The following STK39 variants were observed in gnomAD, a reference collection of about 807,000 sequenced individuals.
STK39 encodes the protein serine/threonine kinase 39.
In STK39, 20 loss-of-function variants were observed where a neutral mutation model predicts 77.8. The observed-to-expected ratio is 0.26, with a 90% CI of 0.18 to 0.37. The LOEUF is 0.37. Among genes scored for constraint, STK39 ranks in the 10% least tolerant of loss-of-function variants. STK39 has a pLI of 1.00. For missense variants in STK39, 479 were observed against 656.5 expected (o/e 0.73, Z 2.95); for synonymous variants, 246 against 234.1 (o/e 1.05, Z -0.47).
chr2:167,976,871 A>T (rs539192145), intron 16 of STK39, among the ~76,000 whole-genome samples: 26 of 152,246 alleles, frequency 1.7e-4, no homozygotes, highest in African/African-American at 5.5e-4. Context: ...CATGTCAATC[A>T]AACTATTTTT....
intron 12 of STK39, among the ~76,000 whole-genome samples, chr2:168,069,236 G>C (rs1209049661): frequency 6.6e-6 from 1 of 152,150 alleles, no homozygotes; most frequent in East Asian, 1.9e-4. Context: ...ATTTTTAAAA[G>C]CTAACAGCAG....
At chr2:168,056,662 C>T (rs185044558) in intron 14 of STK39, among the ~76,000 whole-genome samples, 6 of 152,172 alleles carry the variant, frequency 3.9e-5, no homozygotes, top group Non-Finnish European at 7.4e-5. Flanking sequence ...TACAAATATA[C>T]GTGTATGTGT....
In STK39 at chr2:168,203,003, A is replaced by G. The variant is rs556695268; in HGVS notation, c.209-20913T>C. On this transcript the variant is annotated intron_variant, in intron 1 of 17. Transcript: ENST00000355999. ...TCAACAGAGCACCTCTATCAGTAGA[A>G]CAGCGTTTCTCCACCTTGGCAATAC... Among the ~76,000 whole-genome samples, 67 of 152,326 alleles carry G rather than the reference A, an allele frequency of 4.4e-4. 1 individual carries two copies. The highest frequency in any genetic ancestry group is 8.8e-4 in the Non-Finnish European group (60 of 68,026).
chr2:168,217,362 G>A (rs969463606), intron 1 of STK39, among the ~76,000 whole-genome samples: 12 of 152,266 alleles, frequency 7.9e-5, no homozygotes, highest in Middle Eastern at 3.4e-3. Context: ...GCCAGTATCC[G>A]GATGCAGGAC....
At chr2:168,096,795 G>A (rs535076327) in intron 10 of STK39, among the ~76,000 whole-genome samples, 2 of 152,190 alleles carry the variant, frequency 1.3e-5, no homozygotes, top group African/African-American at 4.8e-5. Flanking sequence ...GAGATTTGAA[G>A]TATTAATGAT....
intron 17 of STK39, among the ~76,000 whole-genome samples, chr2:167,957,404 G>C (rs538706985): frequency 6.6e-6 from 1 of 152,314 alleles, no homozygotes; most frequent in East Asian, 1.9e-4. Context: ...TACAGGCATA[G>C]AGGGCATTTT....
chr2:168,063,425 G>T, intron 14 of STK39, 75 bp downstream of exon 14: 1 of 1,305,378 alleles, frequency 7.7e-7, no homozygotes, highest in Non-Finnish European at 1.1e-6. Flanking sequence ...CTAATATTAT[G>T]AAAGGTTAAC....
intron 1 of STK39, among the ~76,000 whole-genome samples, chr2:168,217,242 T>C (rs901617331): frequency 3.3e-5 from 5 of 152,172 alleles, no homozygotes; most frequent in African/African-American, 1.2e-4. Context: ...AGGGAACATG[T>C]TCCATTACAG....
intron 6 of STK39, 73 bp from the exon 7 acceptor site, chr2:168,140,463 C>G (rs2105530773): frequency 7.4e-7 from 1 of 1,349,792 alleles, no homozygotes; most frequent in African/African-American, 1.4e-5. Context: ...CATGTCATGT[C>G]AGAAATCCAC....
chr2:168,216,338 G>A (rs765063841), intron 1 of STK39, among the ~76,000 whole-genome samples: 3 of 152,228 alleles, frequency 2.0e-5, no homozygotes, highest in Non-Finnish European at 2.9e-5. Context: ...TCTGTCAATC[G>A]ACTTGAGGTT....
chr2:168,213,805 C>T (rs1046225727), intron 1 of STK39, among the ~76,000 whole-genome samples: 5 of 151,800 alleles, frequency 3.3e-5, no homozygotes, highest in East Asian at 1.9e-4. Flanking sequence ...TCCTTGCTTG[C>T]TCATATTTCT....
chr2:168,063,140 G>A (rs1402776612), intron 14 of STK39, among the ~76,000 whole-genome samples: 6 of 152,062 alleles, frequency 3.9e-5, no homozygotes, highest in South Asian at 2.1e-4. Context: ...GTCAGAGACC[G>A]ACTGCTGAAG....
chr2:168,147,867 AC>A (rs936911345), intron 5 of STK39, among the ~76,000 whole-genome samples: 1 of 152,186 alleles, frequency 6.6e-6, no homozygotes, highest in African/African-American at 2.4e-5. Context: ...AAAAACACAG[AC>A]CAGGGAAAGT....
intron 16 of STK39, among the ~76,000 whole-genome samples, chr2:167,976,813 A>G (rs1574359717): frequency 6.6e-6 from 1 of 152,244 alleles, no homozygotes; most frequent in East Asian, 1.9e-4. Context: ...GCCTTCAGAG[A>G]GACTGGTCTG....
intron 16 of STK39, among the ~76,000 whole-genome samples, chr2:167,997,195 T>C (rs1475059508): frequency 6.6e-6 from 1 of 151,770 alleles, no homozygotes; most frequent in Non-Finnish European, 1.5e-5. Context: ...ACACAGTGAA[T>C]CTTGTGGACT....
intron 1 of STK39, among the ~76,000 whole-genome samples, chr2:168,200,414 C>T (rs910070674): frequency 1.3e-4 from 20 of 152,122 alleles, no homozygotes; most frequent in Admixed American, 2.6e-4. Context: ...ACTGTAATCC[C>T]GGCACTTTGG....
chr2:168,051,739 C>T (rs1685399790), intron 14 of STK39, among the ~76,000 whole-genome samples: 1 of 152,184 alleles, frequency 6.6e-6, no homozygotes, highest in Non-Finnish European at 1.5e-5. Flanking sequence ...AGGCACAAGC[C>T]ACAGCGCCCA....
intron 12 of STK39, among the ~76,000 whole-genome samples, chr2:168,067,628 C>T (rs1685829735): frequency 6.6e-6 from 1 of 152,162 alleles, no homozygotes; most frequent in Non-Finnish European, 1.5e-5. Flanking sequence ...CCGTACAAAA[C>T]ATCTTCCTTG....
At chr2:168,148,017 C>T (rs543663312) in intron 5 of STK39, among the ~76,000 whole-genome samples, 17 of 152,276 alleles carry the variant, frequency 1.1e-4, no homozygotes, top group East Asian at 7.7e-4. Context: ...AATCCTTCTC[C>T]CTCCAGGGCA....
Sources: allele counts gnomAD v4.1 joint callset (sites outside exome capture counted in the v4.1 genomes callset), GRCh38; gene constraint gnomAD v4.1.1; transcripts MANE v1.5; gene names NCBI Gene and HGNC (gene_info 2026-07-23, HGNC 2026-07-21).